The following NIM1K variants were observed in gnomAD, a reference collection of about 807,000 sequenced individuals.
NIM1K encodes the protein serine/threonine-protein kinase NIM1.
NIM1K carries 35 observed loss-of-function variants against 37.1 expected under a neutral mutation model. The ratio of observed to expected loss-of-function variants is 0.94; its 90% CI spans 0.72 to 1.25. The LOEUF (loss-of-function observed/expected upper bound fraction) is 1.25, where lower values mean the gene tolerates loss of function less well. Among genes scored for constraint, NIM1K ranks in the 50% most tolerant of loss-of-function variants. NIM1K has a pLI of 0.00. For synonymous variants in NIM1K, 234 were observed against 206.6 expected, an observed-to-expected ratio of 1.13 and a Z score of -1.14; for missense variants, 564 against 548.0, an observed-to-expected ratio of 1.03 and a Z score of -0.29.
At chr5:43,244,901 G>A (rs1024218100) in intron 1 of NIM1K, among the ~76,000 whole-genome samples, 181 bp from the exon 2 acceptor site, 18 of 152,132 alleles carry the variant, frequency 1.2e-4, no homozygotes, top group African/African-American at 4.1e-4. Flanking sequence ...AGGTTGAGAG[G>A]TGTGTGTATA....
chr5:43,206,489 G>C (rs1752112443), intron 1 of NIM1K, among the ~76,000 whole-genome samples: 1 of 117,690 alleles, frequency 8.5e-6, no homozygotes, highest in African/African-American at 3.2e-5. Context: ...GACAGAGTGA[G>C]ACCCTGCCTC....
At chr5:43,275,896 ATTTT>A (rs35301860) in intron 2 of NIM1K, among the ~76,000 whole-genome samples, 1 of 134,598 alleles carries the variant, frequency 7.4e-6, no homozygotes. Flanking sequence ...AAATTGAGTA[ATTTT>A]TTTTTTTTTT....
intron 1 of NIM1K, among the ~76,000 whole-genome samples, chr5:43,199,160 C>G (rs1344134097): frequency 8.0e-6 from 1 of 125,094 alleles, no homozygotes; most frequent in Non-Finnish European, 1.6e-5. Context: ...TGTACTCCAG[C>G]CTGGGCAACA....
chr5:43,202,389 G>A (rs571635240), intron 1 of NIM1K, among the ~76,000 whole-genome samples: 7 of 152,248 alleles, frequency 4.6e-5, no homozygotes, highest in African/African-American at 1.7e-4. Context: ...TGTTAGGCTG[G>A]TTGGTGAGCT....
intron 1 of NIM1K, among the ~76,000 whole-genome samples, chr5:43,213,441 T>C (rs1263999363): frequency 1.3e-5 from 2 of 151,824 alleles, no homozygotes; most frequent in Non-Finnish European, 2.9e-5. Context: ...GTGATTCTCG[T>C]GCCTCAGCCT....
intron 1 of NIM1K, among the ~76,000 whole-genome samples, chr5:43,198,540 TTAAG>T (rs1449300280): frequency 6.6e-6 from 1 of 152,140 alleles, no homozygotes; most frequent in Non-Finnish European, 1.5e-5. Flanking sequence ...GCGGACTTTA[TTAAG>T]TAATGATTAC....
intron 1 of NIM1K, among the ~76,000 whole-genome samples, chr5:43,243,370 C>T (rs1752731901): frequency 6.6e-6 from 1 of 152,052 alleles, no homozygotes; most frequent in Non-Finnish European, 1.5e-5. Context: ...TCTAGTGCCA[C>T]TTGACCTTCA....
At chr5:43,207,313 C>G in intron 1 of NIM1K, 2 of 765,262 alleles carry the variant, frequency 2.6e-6, no homozygotes, top group Non-Finnish European at 4.9e-6. Context: ...GTGAAATAGT[C>G]AAACTAAAAC....
intron 2 of NIM1K, among the ~76,000 whole-genome samples, chr5:43,266,497 C>T (rs1433760378): frequency 6.6e-6 from 1 of 152,118 alleles, no homozygotes; most frequent in African/African-American, 2.4e-5. Context: ...GGGAGTGTCC[C>T]GATTTTCCAG....
intron 2 of NIM1K, among the ~76,000 whole-genome samples, chr5:43,271,375 G>C (rs1330878993): frequency 6.7e-6 from 1 of 150,176 alleles, no homozygotes; most frequent in Non-Finnish European, 1.5e-5. Flanking sequence ...ACTGGGATGA[G>C]GAAAAAAAAT....
rs1221543682 is a variant in NIM1K at position 43,232,678 on chromosome 5, G to C, written c.-694-12404G>C. On this transcript the variant is annotated intron_variant, in intron 1 of 3. Coordinates refer to ENST00000326035, the MANE Select transcript of NIM1K (RefSeq NM_153361.4). ...TGAGTAAATGGAGAACTGCAGCTTG[G>C]ACTTCTTGCCGTAATCAACCGGGAG... is the stretch of plus-strand genomic sequence containing the variant. The C allele has an allele frequency of 2.6e-6, 4 of 1,511,562 alleles. No individual in the cohort carries two copies. The Admixed American group carries it at 7.7e-5, about 29-fold the overall frequency. The allele number at this position is 1,511,562 out of a possible 1,614,324, so 93.6% of individuals were successfully genotyped here.
intron 1 of NIM1K, 125 bp from the exon 2 acceptor site, chr5:43,244,957 C>A (rs959795901): frequency 5.9e-5 from 9 of 152,152 alleles, no homozygotes; most frequent in African/African-American, 1.9e-4. Flanking sequence ...GCATCTACTA[C>A]TGATATGAGT....
At chr5:43,206,900 A>T in intron 1 of NIM1K, 1 of 768,316 alleles carries the variant, frequency 1.3e-6, no homozygotes, top group Non-Finnish European at 2.4e-6. Flanking sequence ...GAATTTACCC[A>T]CATGGATTGT....
chr5:43,203,088 C>G (rs1399808398), intron 1 of NIM1K, among the ~76,000 whole-genome samples: 2 of 152,080 alleles, frequency 1.3e-5, no homozygotes, highest in African/African-American at 4.8e-5. Flanking sequence ...CCGCCTTCCA[C>G]CATCCCCCCA....
At chr5:43,198,561 GC>G (rs1751971079) in intron 1 of NIM1K, among the ~76,000 whole-genome samples, 1 of 151,090 alleles carries the variant, frequency 6.6e-6, no homozygotes, top group Admixed American at 6.6e-5. Context: ...TTACTGAAAA[GC>G]CAAACCTTTC....
At chr5:43,241,253 G>A (rs537044129) in intron 1 of NIM1K, among the ~76,000 whole-genome samples, 3 of 151,460 alleles carry the variant, frequency 2.0e-5, no homozygotes, top group African/African-American at 7.3e-5. Flanking sequence ...GGAGTCATTT[G>A]TATTTTCTGT....
At chr5:43,211,661 G>A (rs1752207163) in intron 1 of NIM1K, among the ~76,000 whole-genome samples, 1 of 152,192 alleles carries the variant, frequency 6.6e-6, no homozygotes, top group African/African-American at 2.4e-5. Flanking sequence ...GTGGGAACAG[G>A]GGAGATGAGA....
intron 1 of NIM1K, chr5:43,233,282 C>A: frequency 1.1e-5 from 5 of 458,214 alleles, no homozygotes; most frequent in Non-Finnish European, 1.9e-5. Flanking sequence ...CTATTATTTT[C>A]TTTCCTTCTT....
intron 2 of NIM1K, among the ~76,000 whole-genome samples, chr5:43,258,028 G>A (rs1250903494): frequency 6.6e-6 from 1 of 152,142 alleles, no homozygotes; most frequent in African/African-American, 2.4e-5. Context: ...ACCCATGGAA[G>A]CACCACCAAC....
Sources: gnomAD v4.1 joint callset for allele counts (sites outside exome capture counted in the v4.1 genomes callset) on GRCh38, gnomAD v4.1.1 for gene constraint, MANE v1.5 for transcripts, NCBI Gene and HGNC (gene_info 2026-07-23, HGNC 2026-07-21) for gene names.